FRMD5: variants seen among roughly 807,000 people sequenced by gnomAD.
FRMD5 encodes FERM domain-containing protein 5.
In FRMD5, 20 loss-of-function variants were observed where a neutral mutation model predicts 69.0. The observed-to-expected ratio is 0.29, with a 90% CI of 0.20 to 0.42. The LOEUF (loss-of-function observed/expected upper bound fraction) is 0.42. Ranked by LOEUF, FRMD5 falls within the 10% of genes least tolerant of loss-of-function variation. The probability of loss-of-function intolerance (pLI) is 1.00; values close to 1 mark genes in which losing one functional copy is unlikely to be tolerated. For missense variants in FRMD5, 595 were observed against 708.6 expected, an observed-to-expected ratio of 0.84 and a Z score of 1.82; for synonymous variants, 271 against 260.1, an observed-to-expected ratio of 1.04 and a Z score of -0.40.
chr15:43,936,382 G>T lies in FRMD5; in HGVS notation c.103-12073C>A, dbSNP rs569155140. Among the ~76,000 whole-genome samples, 127 of 152,264 alleles carry T rather than the reference G, an allele frequency of 8.3e-4. 1 individual carries two copies. The highest frequency in any genetic ancestry group is 3.4e-3 in the Middle Eastern group (1 of 294). ...AATTTTTAAAGTTTCTGAAGAGGGG[G>T]GTCTCCCTATGTTGCCCAGGCTGGT... On this transcript the variant is annotated intron_variant, in intron 1 of 13. Transcript: ENST00000417257.
chr15:44,012,184 C>T (rs1890749255), intron 1 of FRMD5, among the ~76,000 whole-genome samples: 1 of 152,156 alleles, frequency 6.6e-6, no homozygotes, highest in Non-Finnish European at 1.5e-5. Flanking sequence ...ACTGCTTGTT[C>T]ACATTTTGTT....
intron 1 of FRMD5, among the ~76,000 whole-genome samples, chr15:44,160,291 G>A (rs1368947804): frequency 6.6e-6 from 1 of 152,200 alleles, no homozygotes; most frequent in Non-Finnish European, 1.5e-5. Flanking sequence ...GGGAAGCAGA[G>A]GTTGCAGTGA....
At chr15:44,182,006 T>C (rs2140567645) in intron 1 of FRMD5, among the ~76,000 whole-genome samples, 1 of 148,710 alleles carries the variant, frequency 6.7e-6, no homozygotes, top group Middle Eastern at 3.4e-3. Flanking sequence ...TAGGTAACTT[T>C]ACATTTGCTT....
In FRMD5 at chr15:43,913,884, G is replaced by A. The variant is rs868684217; in HGVS notation, c.330-3905C>T. Among the ~76,000 whole-genome samples the A allele has an allele frequency of 5.9e-5, 9 of 152,366 alleles. 2 individuals carry two copies. The South Asian group carries it at 1.7e-3, about 28-fold the overall frequency. On this transcript the variant is annotated intron_variant, in intron 4 of 13. Coordinates refer to ENST00000417257, the MANE Select transcript of FRMD5 (RefSeq NM_032892.5). ...CAGGAGGACCCTTTGTTATCAGAGA[G>A]ATATTCTCACTGAGACTAAAGGAGA... is the stretch of plus-strand genomic sequence containing the variant.
At chr15:44,146,024 T>C (rs1373574279) in intron 1 of FRMD5, among the ~76,000 whole-genome samples, 1 of 152,226 alleles carries the variant, frequency 6.6e-6, no homozygotes, top group Non-Finnish European at 1.5e-5. Context: ...AGTTCCAGGA[T>C]ACATGTGCAG....
intron 7 of FRMD5, among the ~76,000 whole-genome samples, chr15:43,892,604 A>G (rs1479202083): frequency 2.0e-5 from 3 of 152,248 alleles, no homozygotes; most frequent in Non-Finnish European, 4.4e-5. Flanking sequence ...TAAAGTTTCC[A>G]TTAACTGATA....
intron 1 of FRMD5, among the ~76,000 whole-genome samples, chr15:43,928,171 G>T (rs28537381): frequency 5.9e-5 from 9 of 152,250 alleles, no homozygotes; most frequent in Admixed American, 5.2e-4. Context: ...CTCCCCCGCC[G>T]TGAAGACATA....
intron 1 of FRMD5, among the ~76,000 whole-genome samples, chr15:43,979,283 G>A (rs1325659482): frequency 4.6e-5 from 7 of 151,796 alleles, no homozygotes; most frequent in African/African-American, 7.3e-5. Context: ...TACAGTGAGC[G>A]GAGATCACGC....
chr15:44,078,159 G>A (rs922681594), intron 1 of FRMD5, among the ~76,000 whole-genome samples: 4 of 152,008 alleles, frequency 2.6e-5, no homozygotes, highest in African/African-American at 9.7e-5. Flanking sequence ...AATTCAAAAG[G>A]CATGATAACT....
chr15:43,889,952 C>T (rs367904638), intron 8 of FRMD5, among the ~76,000 whole-genome samples: 2 of 152,152 alleles, frequency 1.3e-5, no homozygotes, highest in East Asian at 3.8e-4. Flanking sequence ...TAGCGAGAAT[C>T]ATGTACCCAA....
At chr15:44,034,026 C>A (rs1297775334) in intron 1 of FRMD5, among the ~76,000 whole-genome samples, 1 of 152,198 alleles carries the variant, frequency 6.6e-6, no homozygotes, top group Non-Finnish European at 1.5e-5. Context: ...CAAGGCATCT[C>A]TGATATTGGT....
At chr15:44,136,187 T>C (rs1001518308) in intron 1 of FRMD5, among the ~76,000 whole-genome samples, 4 of 132,782 alleles carry the variant, frequency 3.0e-5, no homozygotes, top group African/African-American at 1.0e-4. Context: ...TATTTTTTGT[T>C]TTGTTTTGTT....
intron 5 of FRMD5, among the ~76,000 whole-genome samples, chr15:43,906,642 C>T (rs1041744485): frequency 6.6e-6 from 1 of 151,882 alleles, no homozygotes; most frequent in Non-Finnish European, 1.5e-5. Flanking sequence ...CACTCTGTAG[C>T]CCAGGCTGGA....
intron 1 of FRMD5, among the ~76,000 whole-genome samples, chr15:44,078,216 C>A (rs1282374727): frequency 6.6e-6 from 1 of 152,050 alleles, no homozygotes; most frequent in African/African-American, 2.4e-5. Context: ...AAGAAAATAT[C>A]TTTTCAAATT....
chr15:43,896,708 G>C (rs916490059), intron 7 of FRMD5, among the ~76,000 whole-genome samples: 2 of 152,308 alleles, frequency 1.3e-5, no homozygotes, highest in South Asian at 4.1e-4. Context: ...GGACACACTG[G>C]GTGTGACTGA....
intron 1 of FRMD5, among the ~76,000 whole-genome samples, chr15:44,002,922 G>A (rs1890277454): frequency 6.6e-6 from 1 of 151,968 alleles, no homozygotes; most frequent in South Asian, 2.1e-4. Context: ...TTCTAACAAT[G>A]AGAGACCTAC....
Position 44,194,979 on chromosome 15 carries a change from C to A in FRMD5, c.76G>T (p.Asp26Tyr), listed in dbSNP as rs1265018258. ...TGGATGGTGCAGGTGTACTCGCTGT[C>A]GTCCAGCAGCCGCACGGTGCAGCTG... ...EYSCTVRLLD[D>Y]SEYTCTIQRD... is the part of the protein sequence containing the mutation. Residue 26 changes from aspartate to tyrosine, a missense_variant, in exon 1 of 14, where the codon GAC (aspartate) becomes TAC (tyrosine). Physicochemically the swap from Asp to Tyr is radical, Grantham distance 160. This residue lies in a region of FRMD5 where 44 missense variants were observed against 33.6 expected (regional missense o/e 1.31). Transcript: ENST00000417257. 6.5e-7 allele frequency: 1 copy of A among 1,546,534 alleles called. No individual in the cohort carries two copies.
At chr15:44,151,731 G>A (rs1428249994) in intron 1 of FRMD5, among the ~76,000 whole-genome samples, 1 of 151,764 alleles carries the variant, frequency 6.6e-6, no homozygotes, top group East Asian at 1.9e-4. Context: ...CACAAGCAAG[G>A]AAAGAAAAAA....
At position 44,124,705 on chromosome 15, in the gene FRMD5, A is replaced by G. The variant is rs142434207; in HGVS notation, c.102+70248T>C. On this transcript the variant is annotated intron_variant, in intron 1 of 13. Transcript: ENST00000417257. ...CAGAGGGAGACTTCATCTCAAAAAA[A>G]CAATAATAATAATTTTAAAAAGATG... Among the ~76,000 whole-genome samples the G allele has an allele frequency of 2.5e-3, 387 of 152,286 alleles. 5 individuals are homozygous for G. Among genetic ancestry groups the G allele is most frequent in the African/African-American group, 8.8e-3 (367 of 41,562 alleles).
Sources: gnomAD v4.1 joint callset for allele counts (sites outside exome capture counted in the v4.1 genomes callset) on GRCh38, gnomAD v4.1.1 for gene constraint, gnomAD v4.1.1 regional missense constraint, MANE v1.5 for transcripts, NCBI Gene and HGNC (gene_info 2026-07-23, HGNC 2026-07-21) for gene names.